KIAA1217: variants seen among roughly 807,000 people sequenced by gnomAD.
KIAA1217 encodes KIAA1217.
In KIAA1217, 88 loss-of-function variants were observed where a neutral mutation model predicts 163.9. The ratio of observed to expected loss-of-function variants is 0.54; its 90% confidence interval spans 0.45 to 0.64. KIAA1217 has a LOEUF of 0.64. KIAA1217 is among the 30% of genes least tolerant of loss of function. The pLI is 0.00. For missense variants in KIAA1217, 2,372 were observed against 2,475.0 expected, an observed-to-expected ratio of 0.96 and a Z score of 0.88; for synonymous variants, 903 against 923.1, an observed-to-expected ratio of 0.98 and a Z score of 0.39.
intron 1 of KIAA1217, among the ~76,000 whole-genome samples, chr10:23,828,977 T>A (rs967754167): frequency 6.6e-6 from 1 of 152,160 alleles, no homozygotes; most frequent in Admixed American, 6.6e-5. Context: ...TGCCCCAGAT[T>A]AAACAGGAAA....
chr10:24,194,438 T>C (rs1420605602), intron 2 of KIAA1217, among the ~76,000 whole-genome samples: 1 of 148,548 alleles, frequency 6.7e-6, no homozygotes, highest in Non-Finnish European at 1.5e-5. Context: ...CCTCCCACCT[T>C]AGCCTCCTAA....
chr10:23,775,287 C>T (rs968876332), intron 1 of KIAA1217, among the ~76,000 whole-genome samples: 8 of 152,088 alleles, frequency 5.3e-5, no homozygotes, highest in African/African-American at 1.7e-4. Flanking sequence ...GGTTGGCTAA[C>T]ATGCAGAATG....
At chr10:23,727,576 A>T (rs1323262519) in intron 1 of KIAA1217, among the ~76,000 whole-genome samples, 46 of 152,294 alleles carry the variant, frequency 3.0e-4, no homozygotes, top group Non-Finnish European at 4.4e-5. Context: ...ATTTAAAAAA[A>T]AGTTGTTATG....
At chr10:23,729,084 C>G (rs115204834) in intron 1 of KIAA1217, among the ~76,000 whole-genome samples, 13 of 152,292 alleles carry the variant, frequency 8.5e-5, no homozygotes, top group African/African-American at 3.1e-4. Flanking sequence ...TTTATCTGCT[C>G]ACATGCAGTT....
At position 24,371,007 on chromosome 10, in the gene KIAA1217, A is replaced by G. The variant is rs74733605; in HGVS notation, c.355-9862A>G. Among the ~76,000 whole-genome samples the G allele has an allele frequency of 4.8e-3, 730 of 152,344 alleles. 3 individuals carry two copies. Among genetic ancestry groups the G allele is most frequent in the African/African-American group, 0.016 (674 of 41,576 alleles). On this transcript the variant is annotated intron_variant, in intron 2 of 20. Coordinates refer to ENST00000376454, the MANE Select transcript of KIAA1217 (RefSeq NM_019590.5). ...GATCCAGACTTGGAACTTACCGATGATCTAATTTTCTAACTTGGTAGAAGG... is the reference window on the plus strand; with the variant it reads ...GATCCAGACTTGGAACTTACCGATGGTCTAATTTTCTAACTTGGTAGAAGG...
At chr10:23,815,505 G>A (rs942750543) in intron 1 of KIAA1217, among the ~76,000 whole-genome samples, 6 of 152,086 alleles carry the variant, frequency 3.9e-5, no homozygotes, top group Admixed American at 2.0e-4. Context: ...TTAGCTGGGC[G>A]TGGTGGCAGG....
chr10:24,273,418 A>G (rs966579759), intron 2 of KIAA1217, among the ~76,000 whole-genome samples: 6 of 151,828 alleles, frequency 4.0e-5, no homozygotes, highest in Non-Finnish European at 7.4e-5. Context: ...TCATTACATT[A>G]TTATTTTTAT....
At chr10:23,868,436 G>T (rs1415518339) in intron 1 of KIAA1217, among the ~76,000 whole-genome samples, 4 of 152,110 alleles carry the variant, frequency 2.6e-5, no homozygotes, top group Admixed American at 2.0e-4. Flanking sequence ...GACAGGCAAA[G>T]AGATTTGCCA....
At chr10:24,361,899 A>C (rs1373531293) in intron 2 of KIAA1217, among the ~76,000 whole-genome samples, 1 of 149,858 alleles carries the variant, frequency 6.7e-6, no homozygotes, top group East Asian at 2.0e-4. Context: ...GGCGTGAACC[A>C]GGGAGGCGGA....
At chr10:23,892,607 G>T (rs1326299426) in intron 1 of KIAA1217, among the ~76,000 whole-genome samples, 1 of 151,926 alleles carries the variant, frequency 6.6e-6, no homozygotes, top group African/African-American at 2.4e-5. Flanking sequence ...AGTATCAGCT[G>T]TCATTTCCTC....
chr10:24,259,545 G>C (rs1220892626), intron 2 of KIAA1217, among the ~76,000 whole-genome samples: 4 of 152,202 alleles, frequency 2.6e-5, no homozygotes, highest in Admixed American at 2.0e-4. Context: ...AGCCCTGGTG[G>C]TTGCAGATGC....
At chr10:24,429,640 C>T (rs888777358) in intron 3 of KIAA1217, among the ~76,000 whole-genome samples, 3 of 152,122 alleles carry the variant, frequency 2.0e-5, no homozygotes, top group Non-Finnish European at 4.4e-5. Context: ...CCCCCTTTTT[C>T]TGGACTGTTT....
intron 2 of KIAA1217, among the ~76,000 whole-genome samples, chr10:24,043,354 A>G (rs1407951255): frequency 6.6e-6 from 1 of 152,138 alleles, no homozygotes; most frequent in Non-Finnish European, 1.5e-5. Flanking sequence ...TTTATTTTCT[A>G]AAAAGTCTAT....
At chr10:23,697,816 G>A (rs1836145735) in intron 1 of KIAA1217, among the ~76,000 whole-genome samples, 1 of 151,888 alleles carries the variant, frequency 6.6e-6, no homozygotes, top group South Asian at 2.1e-4. Context: ...GGTCAAGGCT[G>A]CAGTGAGCTG....
At chr10:24,518,915 G>A (rs919310540) in intron 10 of KIAA1217, among the ~76,000 whole-genome samples, 2 of 152,154 alleles carry the variant, frequency 1.3e-5, no homozygotes, top group Non-Finnish European at 2.9e-5. Flanking sequence ...TTTCATAACA[G>A]AATCAAAGAC....
intron 2 of KIAA1217, among the ~76,000 whole-genome samples, chr10:24,087,165 GA>G (rs1328764625): frequency 6.6e-6 from 1 of 152,132 alleles, no homozygotes; most frequent in Admixed American, 6.5e-5. Context: ...GTTGGACTCA[GA>G]AAAAAATTTA....
At chr10:23,736,274 T>C (rs924244528) in intron 1 of KIAA1217, among the ~76,000 whole-genome samples, 1 of 152,244 alleles carries the variant, frequency 6.6e-6, no homozygotes, top group Non-Finnish European at 1.5e-5. Context: ...TGTTGTGATA[T>C]GTGCAGTATG....
intron 2 of KIAA1217, among the ~76,000 whole-genome samples, chr10:24,017,529 C>A (rs1847539609): frequency 6.6e-6 from 1 of 151,972 alleles, no homozygotes; most frequent in Non-Finnish European, 1.5e-5. Flanking sequence ...TGCAAATAAA[C>A]CTGAAAAAGT....
intron 1 of KIAA1217, among the ~76,000 whole-genome samples, chr10:23,850,252 C>T (rs1839245747): frequency 6.6e-6 from 1 of 152,140 alleles, no homozygotes; most frequent in African/African-American, 2.4e-5. Context: ...TTAACCCTAG[C>T]TAACAGCTGG....
Sources: gnomAD v4.1 joint callset for allele counts (sites outside exome capture counted in the v4.1 genomes callset) on GRCh38, gnomAD v4.1.1 for gene constraint, MANE v1.5 for transcripts, NCBI Gene and HGNC (gene_info 2026-07-23, HGNC 2026-07-21) for gene names.